Variants in KLF15 observed in about 807,000 individuals in gnomAD.
The protein encoded by KLF15 is KLF transcription factor 15.
In KLF15, 4 loss-of-function variants were observed where a neutral mutation model predicts 24.6. The observed-to-expected ratio is 0.16, with a 90% CI of 0.08 to 0.37. The LOEUF is 0.37. Ranked by LOEUF, KLF15 falls within the 10% of genes least tolerant of loss-of-function variation. The pLI, the probability that KLF15 is intolerant of heterozygous loss-of-function variation, is 1.00. For missense variants in KLF15, 496 were observed against 560.6 expected, an observed-to-expected ratio of 0.88 and a Z score of 1.16; for synonymous variants, 246 against 236.3, an observed-to-expected ratio of 1.04 and a Z score of -0.37.
chr3:126,351,140 C>T (rs1447886339), intron 2 of KLF15, among the ~76,000 whole-genome samples: 1 of 152,238 alleles, frequency 6.6e-6, no homozygotes, highest in Non-Finnish European at 1.5e-5. Context: ...GATTTCCCCA[C>T]TGCCATGCAG....
At chr3:126,338,587 T>TG (rs1238829540), downstream of KLF15, among the ~76,000 whole-genome samples, 2 of 152,246 alleles carry the variant, frequency 1.3e-5, no homozygotes, top group Non-Finnish European at 2.9e-5. Context: ...TCCCTGTCTG[T>TG]TCATATCATG....
intron 2 of KLF15, among the ~76,000 whole-genome samples, chr3:126,348,425 A>AGGCACACAT (rs1292420378): frequency 6.6e-6 from 1 of 152,068 alleles, no homozygotes; most frequent in Non-Finnish European, 1.5e-5. Flanking sequence ...GGGAGACTGG[A>AGGCACACAT]GGCACACATG....
chr3:126,315,295 C>T, the KLF15 span, among the ~76,000 whole-genome samples: 1 of 152,290 alleles, frequency 6.6e-6, no homozygotes, highest in African/African-American at 2.4e-5. Context: ...TTCTGAAGTA[C>T]TGGGAGTTAG....
chr3:126,334,024 G>C, the KLF15 span, among the ~76,000 whole-genome samples: 1 of 152,082 alleles, frequency 6.6e-6, no homozygotes, highest in South Asian at 2.1e-4. Flanking sequence ...GAGACAGAAA[G>C]TCAACAGGGA....
intron 1 of KLF15, among the ~76,000 whole-genome samples, chr3:126,355,665 T>G (rs1351251453): frequency 6.6e-6 from 1 of 152,242 alleles, no homozygotes; most frequent in African/African-American, 2.4e-5. Context: ...GTCCTGACTG[T>G]TCACTCCAAG....
chr3:126,353,154 CATTGCATAA>C (rs2082601350), intron 1 of KLF15, among the ~76,000 whole-genome samples: 1 of 152,246 alleles, frequency 6.6e-6, no homozygotes, highest in South Asian at 2.1e-4. Flanking sequence ...TCTCCAAGCC[CATTGCATAA>C]CCAGGGGCAC....
At chr3:126,293,674 C>A in the KLF15 span, among the ~76,000 whole-genome samples, 1 of 152,228 alleles carries the variant, frequency 6.6e-6, no homozygotes, top group African/African-American at 2.4e-5. Flanking sequence ...GGTGCCATCT[C>A]ACCTGCAGTA....
the KLF15 span, among the ~76,000 whole-genome samples, chr3:126,301,782 T>G: frequency 6.6e-6 from 1 of 151,684 alleles, no homozygotes. Flanking sequence ...GCCCGGCTAA[T>G]TTTTGTTTTT....
In KLF15 at chr3:126,352,258, T is replaced by G; in HGVS notation, c.665A>C (p.Gln222Pro). 1 of 1,538,542 alleles carries G rather than the reference T, an allele frequency of 6.5e-7. No individual in the cohort carries two copies. Among genetic ancestry groups the G allele is most frequent in the Non-Finnish European group, 8.7e-7 (1 of 1,145,328 alleles). ...TPDGPIPVLL[Q>P]IQPVPVKQES... is the part of the protein sequence containing the mutation. ...CTGCTTCACAGGCACGGGCTGGATC[T>G]GCAGCAACACTGGGATGGGGCCATC... is the stretch of plus-strand genomic sequence containing the variant. Residue 222 changes from glutamine (Q) to proline (P), a missense_variant, in exon 2 of 3, where the codon CAG (glutamine) becomes CCG (proline). Gln to Pro is a moderately conservative substitution (Grantham distance 76). Coordinates refer to ENST00000296233, the MANE Select transcript of KLF15 (RefSeq NM_014079.4).
chr3:126,307,777 C>T, the KLF15 span, among the ~76,000 whole-genome samples: 1 of 152,202 alleles, frequency 6.6e-6, no homozygotes, highest in Non-Finnish European at 1.5e-5. Flanking sequence ...GCCATCCCCT[C>T]GGCCTGGGCT....
the KLF15 span, among the ~76,000 whole-genome samples, chr3:126,329,008 C>T: frequency 6.6e-6 from 1 of 152,178 alleles, no homozygotes; most frequent in African/African-American, 2.4e-5. Flanking sequence ...TCTAACTTCA[C>T]TCATAGGGTG....
chr3:126,307,147 C>A, the KLF15 span, among the ~76,000 whole-genome samples: 5 of 152,188 alleles, frequency 3.3e-5, no homozygotes, highest in Non-Finnish European at 5.9e-5. Context: ...GCACCCCAAG[C>A]AGTACCCGTC....
the KLF15 span, chr3:126,288,773 G>A: frequency 2.0e-5 from 3 of 152,266 alleles, no homozygotes; most frequent in Non-Finnish European, 4.4e-5. Context: ...GACAACTTCG[G>A]AGGTAGGGAT....
chr3:126,290,506 A>ACCTTCCTTCCTTCCTTCCTTCCTT, the KLF15 span, among the ~76,000 whole-genome samples: 13 of 144,604 alleles, frequency 9.0e-5, no homozygotes, highest in African/African-American at 3.1e-4. Context: ...CTTCCTTCCT[A>ACCTTCCTTCCTTCCTTCCTTCCTT]CCTTCCTTCC....
the KLF15 span, among the ~76,000 whole-genome samples, chr3:126,300,928 G>T: frequency 6.6e-6 from 1 of 152,214 alleles, no homozygotes; most frequent in Admixed American, 6.5e-5. Flanking sequence ...GCAGGGAAGT[G>T]ATCCAGGCCA....
the KLF15 span, among the ~76,000 whole-genome samples, chr3:126,308,118 G>A: frequency 8.5e-5 from 13 of 152,192 alleles, no homozygotes; most frequent in African/African-American, 3.1e-4. Context: ...TCTAAGCAGG[G>A]TATTGATCTC....
chr3:126,348,054 G>A (rs1576585021), intron 2 of KLF15, among the ~76,000 whole-genome samples: 1 of 152,006 alleles, frequency 6.6e-6, no homozygotes, highest in Middle Eastern at 3.4e-3. Flanking sequence ...CCAAAGACCA[G>A]GCTGAGCTGC....
chr3:126,344,521 A>C (rs1478492176), intron 2 of KLF15, among the ~76,000 whole-genome samples: 3 of 152,084 alleles, frequency 2.0e-5, no homozygotes, highest in South Asian at 2.1e-4. Context: ...CAGCCCACCC[A>C]GTGTGCAGGG....
chr3:126,344,393 C>T (rs1234528660), intron 2 of KLF15, among the ~76,000 whole-genome samples: 1 of 152,196 alleles, frequency 6.6e-6, no homozygotes, highest in African/African-American at 2.4e-5. Flanking sequence ...GAAAGAACTA[C>T]AGTAAAGGCT....
Sources: allele counts gnomAD v4.1 joint callset (sites outside exome capture counted in the v4.1 genomes callset), GRCh38; gene constraint gnomAD v4.1.1; transcripts MANE v1.5; gene names NCBI Gene and HGNC (gene_info 2026-07-23, HGNC 2026-07-21).